Variants in SNX14 observed in about 807,000 individuals in gnomAD.
SNX14 encodes sorting nexin-14.
In SNX14, 93 loss-of-function variants were observed where a neutral mutation model predicts 133.8. The observed-to-expected ratio is 0.70, with a 90% CI of 0.59 to 0.83. SNX14 has a LOEUF of 0.83. Ranked by LOEUF, SNX14 falls within the 40% of genes least tolerant of loss-of-function variation. The pLI, the probability that SNX14 is intolerant of heterozygous loss-of-function variation, is 0.00. For missense variants in SNX14, 945 were observed against 1,094.9 expected, an observed-to-expected ratio of 0.86 and a Z score of 1.93; for synonymous variants, 368 against 365.6, an observed-to-expected ratio of 1.01 and a Z score of -0.07.
intron 1 of SNX14, among the ~76,000 whole-genome samples, chr6:85,584,622 T>C (rs1400171186): frequency 2.6e-5 from 4 of 152,146 alleles, no homozygotes; most frequent in Non-Finnish European, 5.9e-5. Flanking sequence ...AGAAGACATT[T>C]ATGCAGCCAA....
chr6:85,553,503 G>T (rs893599409), intron 7 of SNX14, among the ~76,000 whole-genome samples: 2 of 152,028 alleles, frequency 1.3e-5, no homozygotes, highest in Non-Finnish European at 2.9e-5. Flanking sequence ...TCTGTATCAG[G>T]CCAGGCGCCC....
intron 1 of SNX14, among the ~76,000 whole-genome samples, chr6:85,574,914 C>A (rs1242950840): frequency 1.3e-5 from 2 of 152,124 alleles, no homozygotes; most frequent in African/African-American, 4.8e-5. Context: ...TATGGGAATA[C>A]CACAGGCTGA....
At chr6:85,561,972 G>A (rs188159470) in intron 6 of SNX14, among the ~76,000 whole-genome samples, 30 of 152,126 alleles carry the variant, frequency 2.0e-4, no homozygotes, top group South Asian at 6.2e-4. Context: ...GTACCCATAA[G>A]CAGTTTTTTT....
In SNX14 at chr6:85,517,997, C is replaced by T; in HGVS notation, c.2148+11G>A. The T allele has an allele frequency of 6.2e-7, 1 of 1,601,204 alleles. No homozygotes were observed. The highest frequency in any genetic ancestry group is 1.1e-5 in the South Asian group (1 of 88,028). Reference sequence around the variant, plus strand: ...ATCATGTTATAGAACACACATAAATCAGTTACTCACCTCTTTCATTAGTTT... The same window carrying T: ...ATCATGTTATAGAACACACATAAATTAGTTACTCACCTCTTTCATTAGTTT... On this transcript the variant is annotated intron_variant, in intron 22 of 28. Coordinates refer to ENST00000314673, the MANE Select transcript of SNX14 (RefSeq NM_153816.6).
intron 12 of SNX14, 147 bp downstream of exon 12, chr6:85,546,965 C>CAA (rs375373506): frequency 6.2e-3 from 2,415 of 391,060 alleles, no homozygotes; most frequent in South Asian, 8.9e-3. Flanking sequence ...CCGCCTCAAA[C>CAA]AAAAAAAAAA....
At chr6:85,509,295 T>A (rs1378631467) in intron 26 of SNX14, among the ~76,000 whole-genome samples, 1 of 152,162 alleles carries the variant, frequency 6.6e-6, no homozygotes, top group Non-Finnish European at 1.5e-5. Context: ...CTGAGACTGT[T>A]GAAAGTATGA....
Position 85,547,536 on chromosome 6 carries a change from A to G in SNX14, c.882T>C (p.His294=). The G allele has an allele frequency of 6.2e-7, 1 of 1,603,742 alleles. No individual in the cohort carries two copies. Among genetic ancestry groups the G allele is most frequent in the Non-Finnish European group, 8.5e-7 (1 of 1,176,466 alleles). ...TGTCATCTATGAAGATGATAAGCAAATGATTCACAGTATCCTAGTGGAAAA... is the reference window on the plus strand; with the variant it reads ...TGTCATCTATGAAGATGATAAGCAAGTGATTCACAGTATCCTAGTGGAAAA... The part of the protein sequence containing the change: ...DFLADPDTVN[H]LLIIFIDDSP... Residue 294 remains histidine, a synonymous_variant, in exon 10 of 29, where the codon CAT becomes CAC. Coordinates refer to ENST00000314673, the MANE Select transcript of SNX14 (RefSeq NM_153816.6).
At chr6:85,518,161 A>T in intron 21 of SNX14, 113 bp from the exon 22 acceptor site, 2 of 835,026 alleles carry the variant, frequency 2.4e-6, no homozygotes, top group South Asian at 3.6e-5. Context: ...TAAAACTGTA[A>T]AAGTATTTAT....
chr6:85,541,428 CAGAAT>C (rs1783721569), intron 15 of SNX14, among the ~76,000 whole-genome samples: 1 of 152,062 alleles, frequency 6.6e-6, no homozygotes, highest in Non-Finnish European at 1.5e-5. Flanking sequence ...TATAAATCTA[CAGAAT>C]AGATTTATAG....
chr6:85,512,610 G>C (rs994297601), intron 26 of SNX14, among the ~76,000 whole-genome samples: 1 of 132,540 alleles, frequency 7.5e-6, no homozygotes, highest in African/African-American at 2.9e-5. Context: ...TGACACAGTG[G>C]GGCTCTGTCT....
At chr6:85,512,621 CAAAAA>C (rs11336326) in intron 26 of SNX14, among the ~76,000 whole-genome samples, 1 of 123,540 alleles carries the variant, frequency 8.1e-6, no homozygotes, top group Non-Finnish European at 1.7e-5. Context: ...GGCTCTGTCT[CAAAAA>C]AAAAAAAAAA....
intron 6 of SNX14, among the ~76,000 whole-genome samples, chr6:85,564,409 T>C (rs1483717445): frequency 6.6e-6 from 1 of 152,224 alleles, no homozygotes; most frequent in Non-Finnish European, 1.5e-5. Context: ...GTGTTTCTAT[T>C]TCTCCACATC....
chr6:85,532,435 T>C (rs1251123637), intron 18 of SNX14, among the ~76,000 whole-genome samples: 1 of 152,252 alleles, frequency 6.6e-6, no homozygotes, highest in Non-Finnish European at 1.5e-5. Context: ...CTATGTCTCA[T>C]GTTCTTGAAA....
At chr6:85,566,736 A>G (rs1218120390) in intron 5 of SNX14, among the ~76,000 whole-genome samples, 1 of 152,048 alleles carries the variant, frequency 6.6e-6, no homozygotes, top group East Asian at 1.9e-4. Context: ...TTCAAAATAT[A>G]CTGAATCAAT....
chr6:85,558,636 T>C (rs1227549933), intron 6 of SNX14, among the ~76,000 whole-genome samples: 1 of 152,024 alleles, frequency 6.6e-6, no homozygotes, highest in Non-Finnish European at 1.5e-5. Context: ...TAGTTTTTTG[T>C]AGTTTTTAGT....
intron 21 of SNX14, among the ~76,000 whole-genome samples, chr6:85,525,866 T>C (rs918530732): frequency 2.0e-4 from 31 of 152,304 alleles, no homozygotes; most frequent in East Asian, 3.9e-4. Flanking sequence ...TTTTCTTATA[T>C]TTAAATTTAA....
chr6:85,547,813 A>T (rs541263192), intron 9 of SNX14, among the ~76,000 whole-genome samples: 1 of 152,212 alleles, frequency 6.6e-6, no homozygotes, highest in Admixed American at 6.5e-5. Flanking sequence ...TGTTTCTTCA[A>T]AATCTCACTG....
In SNX14 at chr6:85,513,868, G is replaced by A. The variant is rs749022701; in HGVS notation, c.2585C>T (p.Pro862Leu). Residue 862 changes from proline (P) to leucine (L), a missense_variant, in exon 26 of 29, where the codon CCT (proline) becomes CTT (leucine). Transcript: ENST00000314673. ...RDAIFCENTE[P>L]RSLQDKQKGA... ...TTTTTGCTTATCTTGGAGAGAGCGA[G>A]GTTCAGTGTTTTCACAGAATATAGC... 1 of 1,612,456 alleles carries A rather than the reference G, an allele frequency of 6.2e-7. No homozygotes were observed. Among genetic ancestry groups the A allele is most frequent in the Non-Finnish European group, 8.5e-7 (1 of 1,179,650 alleles).
chr6:85,566,721 G>A (rs1386594771), intron 5 of SNX14, among the ~76,000 whole-genome samples: 1 of 151,468 alleles, frequency 6.6e-6, no homozygotes, highest in African/African-American at 2.4e-5. Flanking sequence ...AGAAAGAAAA[G>A]AAAATTCAAA....
Sources: allele counts gnomAD v4.1 joint callset (sites outside exome capture counted in the v4.1 genomes callset), GRCh38; gene constraint gnomAD v4.1.1; transcripts MANE v1.5; gene names NCBI Gene and HGNC (gene_info 2026-07-23, HGNC 2026-07-21).